Variants in AGTPBP1 observed in about 807,000 individuals in gnomAD.
AGTPBP1 encodes the protein ATP/GTP binding carboxypeptidase 1, also known as cytosolic carboxypeptidase 1.
A neutral mutation model predicts 143.9 loss-of-function variants in AGTPBP1; 70 were observed. The observed-to-expected ratio is 0.49, with a 90% confidence interval of 0.40 to 0.59. The LOEUF is 0.59. AGTPBP1 is among the 20% of genes least tolerant of loss of function. The pLI is 0.00. For missense variants in AGTPBP1, 1,229 were observed against 1,464.5 expected (o/e 0.84, Z 2.62); for synonymous variants, 463 against 500.2 (o/e 0.93, Z 0.99).
intron 19 of AGTPBP1, among the ~76,000 whole-genome samples, chr9:85,591,997 A>G (rs1828997774): frequency 6.6e-6 from 1 of 152,186 alleles, no homozygotes; most frequent in African/African-American, 2.4e-5. Flanking sequence ...GGTTTCACAC[A>G]AAACAACTCT....
chr9:85,548,673 T>C (rs867682854), intron 25 of AGTPBP1, among the ~76,000 whole-genome samples: 1 of 142,766 alleles, frequency 7.0e-6, no homozygotes, highest in African/African-American at 2.9e-5. Flanking sequence ...TGGTTTTTTT[T>C]TGTTTTTGTT....
chr9:85,565,981 T>C (rs1018013859), intron 25 of AGTPBP1, among the ~76,000 whole-genome samples: 4 of 152,208 alleles, frequency 2.6e-5, no homozygotes, highest in Non-Finnish European at 2.9e-5. Context: ...CATGGTTAAT[T>C]TGGGCACTAT....
At chr9:85,609,371 AC>A (rs1830179196) in intron 17 of AGTPBP1, among the ~76,000 whole-genome samples, 1 of 150,662 alleles carries the variant, frequency 6.6e-6, no homozygotes, top group Non-Finnish European at 1.5e-5. Context: ...GCTCACTGCA[AC>A]CTCCACCTCC....
At chr9:85,706,160 T>G (rs1185473106) in intron 2 of AGTPBP1, among the ~76,000 whole-genome samples, 2 of 151,016 alleles carry the variant, frequency 1.3e-5, no homozygotes, top group East Asian at 3.9e-4. Flanking sequence ...GGAAGAAATA[T>G]TCATTAATCT....
chr9:85,687,619 G>A (rs1835562344), intron 3 of AGTPBP1, among the ~76,000 whole-genome samples: 1 of 151,668 alleles, frequency 6.6e-6, no homozygotes, highest in Non-Finnish European at 1.5e-5. Flanking sequence ...AAAAAAATGG[G>A]TCAAAGAAAA....
intron 10 of AGTPBP1, 41 bp downstream of exon 10, chr9:85,657,390 ATATT>A: frequency 1.4e-6 from 2 of 1,471,408 alleles, no homozygotes; most frequent in Non-Finnish European, 1.9e-6. Context: ...CAACCAAATC[ATATT>A]ATTAGTACAT....
chr9:85,676,474 G>A (rs1834837449), intron 6 of AGTPBP1, among the ~76,000 whole-genome samples: 1 of 151,674 alleles, frequency 6.6e-6, no homozygotes, highest in African/African-American at 2.4e-5. Context: ...AATCGTTAGG[G>A]AAATGCAAAT....
intron 15 of AGTPBP1, among the ~76,000 whole-genome samples, chr9:85,620,420 TAAAAA>T (rs67311066): frequency 9.6e-6 from 1 of 103,898 alleles, no homozygotes; most frequent in Non-Finnish European, 2.0e-5. Context: ...GGACTTCATC[TAAAAA>T]AAAAAAAAAA....
chr9:85,738,667 A>T (rs1358736245), intron 1 of AGTPBP1, among the ~76,000 whole-genome samples: 1 of 152,054 alleles, frequency 6.6e-6, no homozygotes, highest in Non-Finnish European at 1.5e-5. Context: ...CAGAAGGGAC[A>T]AACGGATTTA....
chr9:85,548,534 G>C (rs893776873), intron 25 of AGTPBP1, among the ~76,000 whole-genome samples: 10 of 152,144 alleles, frequency 6.6e-5, no homozygotes, highest in Non-Finnish European at 1.5e-4. Flanking sequence ...GATTGTGTGA[G>C]ACTTCACAAC....
At chr9:85,687,633 C>A (rs1162480450) in intron 3 of AGTPBP1, among the ~76,000 whole-genome samples, 1 of 151,406 alleles carries the variant, frequency 6.6e-6, no homozygotes, top group East Asian at 2.0e-4. Context: ...AAGAAAAAAA[C>A]CACAAAGAAA....
the AGTPBP1 span, among the ~76,000 whole-genome samples, chr9:85,766,877 T>C: frequency 6.6e-6 from 1 of 152,222 alleles, no homozygotes; most frequent in African/African-American, 2.4e-5. Context: ...TTGTTTAGGA[T>C]AATTTTCTCT....
intron 17 of AGTPBP1, among the ~76,000 whole-genome samples, chr9:85,609,290 CTT>C (rs71370873): frequency 6.5e-4 from 87 of 134,214 alleles, no homozygotes; most frequent in Admixed American, 9.0e-4. Context: ...GTGTACAGAT[CTT>C]TTTTTTTTTT....
chr9:85,741,817 G>A lies in AGTPBP1; in HGVS notation c.-76C>T. ...CTGGCGGGGACCGCGCAGAGCCGCA[G>A]CACCCGGCTCAGCACCTGGATCACG... On this transcript the variant is annotated 5_prime_UTR_variant, in exon 1 of 26. Transcript: ENST00000357081. 7.2e-7 allele frequency: 1 copy of A among 1,390,668 alleles called. No homozygotes were observed. The highest frequency in any genetic ancestry group is 9.3e-7 in the Non-Finnish European group (1 of 1,073,898). The allele number at this position is 1,390,668 out of a possible 1,614,324, so 86.1% of individuals were successfully genotyped here.
At chr9:85,766,750 G>A in the AGTPBP1 span, among the ~76,000 whole-genome samples, 3 of 152,060 alleles carry the variant, frequency 2.0e-5, no homozygotes, top group African/African-American at 4.8e-5. Flanking sequence ...TAAAGCCAAG[G>A]TTAATATTCC....
At chr9:85,773,316 A>G in the AGTPBP1 span, among the ~76,000 whole-genome samples, 22 of 139,910 alleles carry the variant, frequency 1.6e-4, no homozygotes, top group African/African-American at 5.6e-4. Flanking sequence ...AATTCCAACA[A>G]ATTCTTTTTT....
upstream of AGTPBP1, among the ~76,000 whole-genome samples, chr9:85,745,195 C>T (rs1300248409): frequency 1.3e-5 from 2 of 152,132 alleles, no homozygotes; most frequent in Non-Finnish European, 2.9e-5. Flanking sequence ...AATAAGGTAA[C>T]GTACAAAATG....
chr9:85,726,552 C>T (rs1297475720), intron 1 of AGTPBP1, among the ~76,000 whole-genome samples: 1 of 152,158 alleles, frequency 6.6e-6, no homozygotes, highest in Non-Finnish European at 1.5e-5. Context: ...TTTCATTGCA[C>T]TAGTGCATCA....
At chr9:85,558,629 T>C (rs549053807) in intron 25 of AGTPBP1, among the ~76,000 whole-genome samples, 331 of 152,306 alleles carry the variant, frequency 2.2e-3, no homozygotes, top group Non-Finnish European at 4.1e-3. Context: ...TATAATTTTT[T>C]TTGAGCCAAG....
Sources: gnomAD v4.1 joint callset for allele counts (sites outside exome capture counted in the v4.1 genomes callset) on GRCh38, gnomAD v4.1.1 for gene constraint, MANE v1.5 for transcripts, NCBI Gene and HGNC (gene_info 2026-07-23, HGNC 2026-07-21) for gene names.